The following ANKS1B variants were observed in gnomAD, a reference collection of about 807,000 sequenced individuals.
The protein encoded by ANKS1B is ankyrin repeat and sterile alpha motif domain containing 1B, also known as ankyrin repeat and sterile alpha motif domain-containing protein 1B.
ANKS1B carries 36 observed loss-of-function variants against 148.3 expected under a neutral mutation model. The ratio of observed to expected loss-of-function variants is 0.24; its 90% CI spans 0.19 to 0.32. The LOEUF is 0.32. ANKS1B is among the 10% of genes least tolerant of loss of function. ANKS1B has a pLI of 1.00. For missense variants in ANKS1B, 1,157 were observed against 1,542.6 expected (o/e 0.75, Z 4.19); for synonymous variants, 542 against 560.8 (o/e 0.97, Z 0.47).
chr12:99,823,884 A>C (rs2153681701), intron 2 of ANKS1B, among the ~76,000 whole-genome samples: 1 of 152,268 alleles, frequency 6.6e-6, no homozygotes, highest in South Asian at 2.1e-4. Context: ...ATTTTGTTGA[A>C]TACCAGATGG....
intron 4 of ANKS1B, among the ~76,000 whole-genome samples, chr12:99,797,360 C>T (rs551949289): frequency 6.6e-6 from 1 of 151,988 alleles, no homozygotes; most frequent in Non-Finnish European, 1.5e-5. Context: ...ATCTACAACC[C>T]ATAACCGGCC....
At chr12:99,208,141 C>T (rs1442927749) in intron 14 of ANKS1B, among the ~76,000 whole-genome samples, 2 of 152,032 alleles carry the variant, frequency 1.3e-5, no homozygotes, top group African/African-American at 4.8e-5. Context: ...AGAGTCTGTA[C>T]TTTATCAAGA....
intron 8 of ANKS1B, among the ~76,000 whole-genome samples, chr12:99,673,982 A>G (rs957840090): frequency 5.3e-5 from 8 of 151,816 alleles, no homozygotes; most frequent in African/African-American, 1.9e-4. Flanking sequence ...AAAGACTTCT[A>G]GAATATACAA....
chr12:99,182,467 C>A (rs1051345724), intron 14 of ANKS1B, among the ~76,000 whole-genome samples: 6 of 152,194 alleles, frequency 3.9e-5, no homozygotes, highest in African/African-American at 1.4e-4. Flanking sequence ...ACCTCCTGTT[C>A]CATCGTTGTT....
chr12:99,768,287 A>C (rs1200331292), intron 8 of ANKS1B, among the ~76,000 whole-genome samples: 1 of 152,256 alleles, frequency 6.6e-6, no homozygotes, highest in African/African-American at 2.4e-5. Flanking sequence ...ACAGACATAC[A>C]GAAATGTTTT....
chr12:99,321,147 G>A (rs148510976), intron 12 of ANKS1B, among the ~76,000 whole-genome samples: 1 of 152,292 alleles, frequency 6.6e-6, no homozygotes, highest in East Asian at 1.9e-4. Context: ...GGCTACTCAG[G>A]GGTCAGGGAC....
At chr12:99,159,003 C>A (rs145250629) in intron 14 of ANKS1B, among the ~76,000 whole-genome samples, 486 of 152,248 alleles carry the variant, frequency 3.2e-3, no homozygotes, top group African/African-American at 0.011. Flanking sequence ...GAAAGTTCAT[C>A]CCAGCTGGGT....
chr12:99,103,187 C>A (rs1300430286), intron 15 of ANKS1B, among the ~76,000 whole-genome samples: 2 of 152,116 alleles, frequency 1.3e-5, no homozygotes, highest in Non-Finnish European at 2.9e-5. Context: ...GCTGATACTT[C>A]TGCTATCCTT....
intron 1 of ANKS1B, among the ~76,000 whole-genome samples, chr12:99,965,317 C>T (rs983059526): frequency 8.6e-5 from 13 of 152,032 alleles, no homozygotes; most frequent in African/African-American, 2.9e-4. Flanking sequence ...ATAATTTAAG[C>T]ATCAAAATTA....
intron 19 of ANKS1B, among the ~76,000 whole-genome samples, chr12:98,828,240 T>A (rs2099266603): frequency 6.6e-6 from 1 of 152,108 alleles, no homozygotes; most frequent in Admixed American, 6.5e-5. Context: ...TCCAGAACAT[T>A]CTCATCACAT....
At chr12:99,652,060 CAT>C (rs1369138521) in intron 9 of ANKS1B, among the ~76,000 whole-genome samples, 1 of 138,874 alleles carries the variant, frequency 7.2e-6, no homozygotes, top group East Asian at 2.0e-4. Flanking sequence ...ATACATAAAA[CAT>C]GTTTACATGT....
At chr12:99,514,209 A>C (rs1023227876) in intron 9 of ANKS1B, among the ~76,000 whole-genome samples, 2 of 152,074 alleles carry the variant, frequency 1.3e-5, no homozygotes, top group Admixed American at 1.3e-4. Flanking sequence ...GTAGGACTCT[A>C]TGAATATATG....
chr12:99,841,726 T>C (rs2085775455), intron 1 of ANKS1B, among the ~76,000 whole-genome samples: 1 of 152,086 alleles, frequency 6.6e-6, no homozygotes, highest in African/African-American at 2.4e-5. Context: ...GTCATTTACA[T>C]TTCTCTAGGA....
At chr12:99,463,755 C>T (rs1007386908) in intron 10 of ANKS1B, among the ~76,000 whole-genome samples, 8 of 152,220 alleles carry the variant, frequency 5.3e-5, no homozygotes, top group African/African-American at 1.7e-4. Context: ...CCCGCCATTG[C>T]CCAGGCTTGC....
intron 15 of ANKS1B, among the ~76,000 whole-genome samples, chr12:99,132,963 A>G (rs887290567): frequency 3.3e-5 from 5 of 151,440 alleles, no homozygotes; most frequent in Middle Eastern, 3.4e-3. Flanking sequence ...GCCTTGTCAT[A>G]TATTTGATTT....
chr12:99,137,688 T>C (rs905521824), intron 15 of ANKS1B, among the ~76,000 whole-genome samples: 1 of 152,152 alleles, frequency 6.6e-6, no homozygotes, highest in African/African-American at 2.4e-5. Context: ...GTATTTCCTC[T>C]TTTCATTTCT....
intron 8 of ANKS1B, among the ~76,000 whole-genome samples, chr12:99,755,418 A>G (rs533028287): frequency 6.6e-6 from 1 of 152,054 alleles, no homozygotes; most frequent in Non-Finnish European, 1.5e-5. Flanking sequence ...CCAGATGTAC[A>G]AAGAAGAACC....
chr12:99,315,925 G>A (rs2083999344), intron 12 of ANKS1B, among the ~76,000 whole-genome samples: 1 of 152,002 alleles, frequency 6.6e-6, no homozygotes, highest in South Asian at 2.1e-4. Context: ...GTGGTGTTTG[G>A]TTTTCTGTCC....
chr12:98,898,662 A>G (rs187861241), intron 17 of ANKS1B, among the ~76,000 whole-genome samples: 38 of 152,276 alleles, frequency 2.5e-4, no homozygotes, highest in Non-Finnish European at 5.3e-4. Flanking sequence ...CTTAAAAACA[A>G]TTTCCAATTT....
Sources: gnomAD v4.1 joint callset for allele counts (sites outside exome capture counted in the v4.1 genomes callset) on GRCh38, gnomAD v4.1.1 for gene constraint, MANE v1.5 for transcripts, NCBI Gene and HGNC (gene_info 2026-07-23, HGNC 2026-07-21) for gene names.